TRAM1: variants seen among roughly 807,000 people sequenced by gnomAD.
TRAM1 encodes translocation associated membrane protein 1, also known as translocating chain-associated membrane protein 1.
A neutral mutation model predicts 48.7 loss-of-function variants in TRAM1; 17 were observed. The observed-to-expected ratio is 0.35, with a 90% CI of 0.24 to 0.52. TRAM1 has a LOEUF of 0.52. Among genes scored for constraint, TRAM1 ranks in the 20% least tolerant of loss-of-function variants. The probability of loss-of-function intolerance (pLI) is 0.94; values close to 1 mark genes in which losing one functional copy is unlikely to be tolerated. For missense variants in TRAM1, 351 were observed against 441.5 expected (o/e 0.79, Z 1.84); for synonymous variants, 182 against 154.0 (o/e 1.18, Z -1.34).
intron 1 of TRAM1, 137 bp downstream of exon 1, chr8:70,607,940 C>G: frequency 8.7e-7 from 1 of 1,143,504 alleles, no homozygotes; most frequent in South Asian, 1.9e-5. Flanking sequence ...AGGCCTGCAC[C>G]TCAGGGACTG....
intron 6 of TRAM1, among the ~76,000 whole-genome samples, chr8:70,590,334 A>G (rs1817325640): frequency 6.6e-6 from 1 of 152,212 alleles, no homozygotes; most frequent in African/African-American, 2.4e-5. Flanking sequence ...AATTACAAAC[A>G]AACTATAATT....
At chr8:70,575,077 A>AT in intron 10 of TRAM1, 72 bp from the exon 11 acceptor site, 14 of 1,094,090 alleles carry the variant, frequency 1.3e-5, no homozygotes, top group Non-Finnish European at 1.7e-5. Context: ...ATATGTAAAG[A>AT]TACCTTCAGA....
intron 10 of TRAM1, among the ~76,000 whole-genome samples, chr8:70,581,679 A>G (rs904466249): frequency 4.6e-5 from 7 of 152,248 alleles, no homozygotes; most frequent in African/African-American, 1.7e-4. Flanking sequence ...CAGCATCACG[A>G]TTCATAATAG....
In TRAM1 at chr8:70,591,795, T is replaced by C. The variant is rs572768849; in HGVS notation, c.570+2711A>G. ...TGTATTAATTATCTTGACAAATAAA[T>C]GTTTGCGTAAGACACATACACCCGA... On this transcript the variant is annotated intron_variant, in intron 6 of 10. Coordinates refer to ENST00000262213, the MANE Select transcript of TRAM1 (RefSeq NM_014294.6). 1.8e-3 allele frequency among the ~76,000 whole-genome samples: 274 copies of C among 152,196 alleles called. 8 individuals are homozygous for C. Among genetic ancestry groups the C allele is most frequent in the Non-Finnish European group, 6.3e-4 (43 of 67,990 alleles).
At chr8:70,607,064 A>G in intron 1 of TRAM1, 10 of 922,300 alleles carry the variant, frequency 1.1e-5, no homozygotes, top group Non-Finnish European at 1.3e-5. Flanking sequence ...ACAAGGCAGG[A>G]GCAAAATAAT....
rs1817805551 is a variant in TRAM1 at position 70,608,386 on chromosome 8, A to C, written c.-187T>G. ...GGCCGCCCGGGGGAAAAAAAAAAACACAACAGCTAGCCCGCAGCGGGGGCG... is the reference window on the plus strand; with the variant it reads ...GGCCGCCCGGGGGAAAAAAAAAAACCCAACAGCTAGCCCGCAGCGGGGGCG... On this transcript the variant is annotated 5_prime_UTR_variant, in exon 1 of 11. Coordinates refer to ENST00000262213, the MANE Select transcript of TRAM1 (RefSeq NM_014294.6). The C allele has an allele frequency of 6.0e-5, 25 of 418,142 alleles. No individual in the cohort carries two copies. The highest frequency in any genetic ancestry group is 7.5e-5 in the Non-Finnish European group (19 of 253,332). The allele number at this position is 418,142 out of a possible 1,614,324, so 25.9% of individuals were successfully genotyped here.
At chr8:70,607,899 G>T (rs1817785645) in intron 1 of TRAM1, 178 bp downstream of exon 1, 3 of 689,700 alleles carry the variant, frequency 4.3e-6, no homozygotes, top group South Asian at 8.6e-5. Context: ...GGCCGCCGGG[G>T]AGCTGCCGCC....
In TRAM1 at chr8:70,598,029, C is replaced by A; in HGVS notation, c.310-18G>T. 6.5e-7 allele frequency: 1 copy of A among 1,547,372 alleles called. No individual in the cohort carries two copies. Among genetic ancestry groups the A allele is most frequent in the Non-Finnish European group, 8.7e-7 (1 of 1,143,100 alleles). On this transcript the variant is annotated intron_variant, in intron 3 of 10. Coordinates refer to ENST00000262213, the MANE Select transcript of TRAM1 (RefSeq NM_014294.6). The stretch of plus-strand genomic sequence containing the variant: ...TTAATTTTCTAAAAATAAAAACAGC[C>A]ATTAGTAATTAAGAATAAATTATAA...
chr8:70,607,408 T>G (rs1817762977), intron 1 of TRAM1: 1 of 985,494 alleles, frequency 1.0e-6, no homozygotes, highest in African/African-American at 1.7e-5. Context: ...TAACTGGTAA[T>G]AATATCAGTT....
chr8:70,584,304 A>C (rs1245992991), intron 8 of TRAM1, among the ~76,000 whole-genome samples: 1 of 152,248 alleles, frequency 6.6e-6, no homozygotes, highest in Admixed American at 6.5e-5. Context: ...TGGACAAAAC[A>C]AACCAAAAAA....
chr8:70,586,385 C>A (rs992640084), intron 8 of TRAM1, among the ~76,000 whole-genome samples: 4 of 151,606 alleles, frequency 2.6e-5, no homozygotes, highest in Non-Finnish European at 5.9e-5. Flanking sequence ...AACAAACCTG[C>A]ACATTGTGCA....
At chr8:70,604,726 A>G (rs189028592) in intron 1 of TRAM1, among the ~76,000 whole-genome samples, 35 of 152,298 alleles carry the variant, frequency 2.3e-4, no homozygotes, top group African/African-American at 8.2e-4. Flanking sequence ...CAAAATCTGT[A>G]TGGCATAAAG....
chr8:70,608,192 A>C lies in TRAM1; in HGVS notation c.8T>G (p.Ile3Ser). ...GGGGCTCTTGGTGCTTTTCTTGCGA[A>C]TCGCCATGGTGGGGCCGCCGCCCGC... is the stretch of plus-strand genomic sequence containing the variant. MA[I>S]RKKSTKSPPV... Residue 3 changes from isoleucine (I) to serine (S), a missense_variant, in exon 1 of 11, where the codon ATT becomes AGT. By Grantham distance (142) the Ile-to-Ser change is moderately radical. Coordinates refer to ENST00000262213, the MANE Select transcript of TRAM1 (RefSeq NM_014294.6). 6.3e-7 allele frequency: 1 copy of C among 1,588,042 alleles called. No homozygotes were observed. Among genetic ancestry groups the C allele is most frequent in the African/African-American group, 1.4e-5 (1 of 72,110 alleles).
At chr8:70,605,077 T>C (rs1172622407) in intron 1 of TRAM1, among the ~76,000 whole-genome samples, 1 of 152,240 alleles carries the variant, frequency 6.6e-6, no homozygotes, top group Admixed American at 6.5e-5. Flanking sequence ...AACAGACTAC[T>C]TTGTTAGCCT....
Position 70,600,020 on chromosome 8 carries a change from T to C in TRAM1, c.186A>G (p.Thr62=). 1 of 1,613,090 alleles carries C rather than the reference T, an allele frequency of 6.2e-7. No homozygotes were observed. Among genetic ancestry groups the C allele is most frequent in the Non-Finnish European group, 8.5e-7 (1 of 1,179,232 alleles). The part of the protein sequence containing the change: ...TLQYNVTLPA[T]EEQATESVSL... ...AAATTCTTAGCGTAAATTACCTACC[T>C]GTTGCTGGGAGGGTGACATTGTACT... The change falls in exon 2 of 11, where the codon ACA becomes ACG. Residue 62 remains threonine (T), a splice_region_variant and synonymous_variant. Coordinates refer to ENST00000262213, the MANE Select transcript of TRAM1 (RefSeq NM_014294.6).
At chr8:70,594,871 T>C (rs1050116191) in intron 5 of TRAM1, among the ~76,000 whole-genome samples, 11 of 152,150 alleles carry the variant, frequency 7.2e-5, no homozygotes, top group Admixed American at 5.2e-4. Context: ...GAGCCCCTAT[T>C]AGTTCATTAA....
chr8:70,606,523 A>C (rs991496460), intron 1 of TRAM1, among the ~76,000 whole-genome samples: 2 of 152,214 alleles, frequency 1.3e-5, no homozygotes, highest in African/African-American at 4.8e-5. Flanking sequence ...CCTTCACACC[A>C]TATCATCTGA....
At position 70,596,310 on chromosome 8, in the gene TRAM1, G is replaced by T. The variant is rs1304673257; in HGVS notation, c.438C>A (p.Ile146=). The T allele has an allele frequency of 1.3e-6, 2 of 1,597,714 alleles. No individual in the cohort carries two copies. Among genetic ancestry groups the T allele is most frequent in the East Asian group, 4.6e-5 (2 of 43,624 alleles). The part of the protein sequence containing the change: ...GTFILISENY[I]SDPTILWRAY... ...CCCTCCATAAGATAGTTGGGTCTGA[G>T]ATGTAGTTTTCCTAAGAAAGAAGAT... Residue 146 remains isoleucine, a synonymous_variant, in exon 5 of 11, where the codon ATC becomes ATA. Coordinates refer to ENST00000262213, the MANE Select transcript of TRAM1 (RefSeq NM_014294.6).
In TRAM1 at chr8:70,598,484, G is replaced by A. The variant is rs183128195; in HGVS notation, c.188-229C>T. ...AATTACTTACAAAGACTTGACACATGTTAGTCACAGCCACCAAAGACCAAA... is the reference window on the plus strand; with the variant it reads ...AATTACTTACAAAGACTTGACACATATTAGTCACAGCCACCAAAGACCAAA... On this transcript the variant is annotated intron_variant, in intron 2 of 10. Transcript: ENST00000262213. 9.3e-4 allele frequency among the ~76,000 whole-genome samples: 142 copies of A among 152,254 alleles called. 1 individual carries two copies. Among genetic ancestry groups the A allele is most frequent in the Middle Eastern group, 6.8e-3 (2 of 294 alleles).
Sources: allele counts gnomAD v4.1 joint callset (sites outside exome capture counted in the v4.1 genomes callset), GRCh38; gene constraint gnomAD v4.1.1; transcripts MANE v1.5; gene names NCBI Gene and HGNC (gene_info 2026-07-23, HGNC 2026-07-21).